Variants in CTNNA3 observed in about 807,000 individuals in gnomAD.
CTNNA3 encodes catenin alpha 3, also known as catenin alpha-3.
CTNNA3 carries 76 observed loss-of-function variants against 95.7 expected under a neutral mutation model. The observed-to-expected ratio is 0.79, with a 90% CI of 0.66 to 0.96. The LOEUF (loss-of-function observed/expected upper bound fraction) is 0.96, where lower values mean the gene tolerates loss of function less well. CTNNA3 is among the 40% of genes least tolerant of loss of function. CTNNA3 has a pLI of 0.00. For missense variants in CTNNA3, 1,191 were observed against 1,089.8 expected (o/e 1.09, Z -1.31); for synonymous variants, 431 against 374.4 (o/e 1.15, Z -1.74).
At chr10:67,446,770 A>G (rs1466793420) in intron 5 of CTNNA3, among the ~76,000 whole-genome samples, 1 of 152,134 alleles carries the variant, frequency 6.6e-6, no homozygotes, top group Non-Finnish European at 1.5e-5. Flanking sequence ...TTGTGGAAGG[A>G]TAATAGCCCA....
chr10:67,503,365 T>G (rs1472397665), intron 5 of CTNNA3, among the ~76,000 whole-genome samples: 1 of 152,232 alleles, frequency 6.6e-6, no homozygotes, highest in Non-Finnish European at 1.5e-5. Flanking sequence ...ATTACCCACC[T>G]TCTGCATTGA....
intron 9 of CTNNA3, among the ~76,000 whole-genome samples, chr10:66,678,633 T>C (rs1846952035): frequency 6.6e-6 from 1 of 152,148 alleles, no homozygotes; most frequent in South Asian, 2.1e-4. Flanking sequence ...TTTGGGGCTA[T>C]TTCTTGAGTC....
intron 11 of CTNNA3, among the ~76,000 whole-genome samples, chr10:66,404,521 A>T (rs1256524304): frequency 6.6e-6 from 1 of 152,198 alleles, no homozygotes; most frequent in Non-Finnish European, 1.5e-5. Flanking sequence ...AGTACTTTTT[A>T]ATGTCCTGAC....
chr10:67,721,835 G>C (rs1452198949), intron 1 of CTNNA3, among the ~76,000 whole-genome samples: 1 of 152,094 alleles, frequency 6.6e-6, no homozygotes. Flanking sequence ...CCTTCAGATG[G>C]GGTTTTTGTG....
intron 12 of CTNNA3, among the ~76,000 whole-genome samples, chr10:66,359,628 G>C (rs2092637718): frequency 6.6e-6 from 1 of 151,986 alleles, no homozygotes; most frequent in East Asian, 1.9e-4. Context: ...GCATACCTCT[G>C]TTCTGTTTTG....
At chr10:67,047,912 G>A (rs553600223) in intron 7 of CTNNA3, among the ~76,000 whole-genome samples, 1 of 152,054 alleles carries the variant, frequency 6.6e-6, no homozygotes, top group Non-Finnish European at 1.5e-5. Context: ...AACACCTACT[G>A]GGTGTTAAAA....
At chr10:66,793,974 G>A (rs756298516) in intron 7 of CTNNA3, among the ~76,000 whole-genome samples, 2 of 152,084 alleles carry the variant, frequency 1.3e-5, no homozygotes, top group South Asian at 2.1e-4. Flanking sequence ...TTGGAATTTT[G>A]AGTCACTGAA....
intron 11 of CTNNA3, among the ~76,000 whole-genome samples, chr10:66,483,633 T>C (rs1301038088): frequency 1.3e-5 from 2 of 152,088 alleles, no homozygotes; most frequent in Admixed American, 6.6e-5. Flanking sequence ...CTTTGAGAGA[T>C]AGAGATGTAA....
intron 5 of CTNNA3, among the ~76,000 whole-genome samples, chr10:67,328,734 C>A (rs1234481373): frequency 6.6e-6 from 1 of 152,186 alleles, no homozygotes; most frequent in African/African-American, 2.4e-5. Context: ...TTCTTAGTGC[C>A]TTTATCTCTG....
At position 67,235,167 on chromosome 10, in the gene CTNNA3, A is replaced by G. The variant is rs182515746; in HGVS notation, c.580-15297T>C. Among the ~76,000 whole-genome samples, 508 of 152,298 alleles carry G rather than the reference A, an allele frequency of 3.3e-3. 6 individuals carry two copies. The highest frequency in any genetic ancestry group is 0.012 in the African/African-American group (481 of 41,556). On this transcript the variant is annotated intron_variant, in intron 5 of 17. Transcript: ENST00000433211. ...TCACAGAATTGGAAAAAACTATTTTAAAGTTCAAATGGAACCAAAAAAGAG... is the reference window on the plus strand; with the variant it reads ...TCACAGAATTGGAAAAAACTATTTTGAAGTTCAAATGGAACCAAAAAAGAG...
chr10:66,577,370 CT>C (rs1263170850), intron 10 of CTNNA3, among the ~76,000 whole-genome samples: 3 of 151,930 alleles, frequency 2.0e-5, no homozygotes, highest in Non-Finnish European at 4.4e-5. Flanking sequence ...GTTGCAATTA[CT>C]TTTGGGAACT....
At chr10:66,264,686 C>A (rs2091102604) in intron 13 of CTNNA3, among the ~76,000 whole-genome samples, 1 of 151,918 alleles carries the variant, frequency 6.6e-6, no homozygotes, top group Non-Finnish European at 1.5e-5. Context: ...TCACATGTAA[C>A]TACTATATCG....
intron 7 of CTNNA3, among the ~76,000 whole-genome samples, chr10:66,877,096 T>A (rs550732809): frequency 6.6e-6 from 1 of 152,098 alleles, no homozygotes; most frequent in African/African-American, 2.4e-5. Context: ...CTGGCACCTG[T>A]CTTTCCCTCC....
At chr10:66,017,898 T>A (rs2079125635) in intron 15 of CTNNA3, among the ~76,000 whole-genome samples, 2 of 152,072 alleles carry the variant, frequency 1.3e-5, no homozygotes, top group African/African-American at 2.4e-5. Context: ...GAGATACACA[T>A]GATTTGCTTT....
intron 11 of CTNNA3, among the ~76,000 whole-genome samples, chr10:66,503,142 C>T (rs958159998): frequency 6.6e-6 from 1 of 152,116 alleles, no homozygotes; most frequent in African/African-American, 2.4e-5. Flanking sequence ...TTATCTTTTA[C>T]TAGGCCACTC....
At chr10:67,451,398 A>G (rs1846977046) in intron 5 of CTNNA3, among the ~76,000 whole-genome samples, 1 of 152,208 alleles carries the variant, frequency 6.6e-6, no homozygotes, top group African/African-American at 2.4e-5. Flanking sequence ...GTAAAAAAAA[A>G]AGCAATTATG....
intron 10 of CTNNA3, among the ~76,000 whole-genome samples, chr10:66,530,477 T>G (rs1841428136): frequency 6.6e-6 from 1 of 152,206 alleles, no homozygotes; most frequent in Non-Finnish European, 1.5e-5. Context: ...CACATTTCTT[T>G]ATTTTGATAA....
intron 7 of CTNNA3, among the ~76,000 whole-genome samples, chr10:67,116,127 A>G (rs2394336): frequency 0.63 from 95,977 of 151,600 alleles, 31,566 homozygotes; most frequent in African/African-American, 0.82. Context: ...TTGCATTTGC[A>G]GCAGTGGTAT....
At chr10:66,595,294 T>C (rs1843675211) in intron 10 of CTNNA3, among the ~76,000 whole-genome samples, 1 of 151,858 alleles carries the variant, frequency 6.6e-6, no homozygotes, top group South Asian at 2.1e-4. Flanking sequence ...TTTATAGTTA[T>C]TGCTGTTAAA....
Sources: allele counts gnomAD v4.1 joint callset (sites outside exome capture counted in the v4.1 genomes callset), GRCh38; gene constraint gnomAD v4.1.1; transcripts MANE v1.5; gene names NCBI Gene and HGNC (gene_info 2026-07-23, HGNC 2026-07-21).